TENM2: variants seen among roughly 807,000 people sequenced by gnomAD.
The protein encoded by TENM2 is teneurin transmembrane protein 2.
In TENM2, 52 loss-of-function variants were observed where a neutral mutation model predicts 245.2. The observed-to-expected ratio is 0.21, with a 90% CI of 0.17 to 0.27. The LOEUF is 0.27. TENM2 is among the 10% of genes least tolerant of loss of function. The pLI is 1.00. For missense variants in TENM2, 3,046 were observed against 3,666.8 expected (o/e 0.83, Z 4.37); for synonymous variants, 1,363 against 1,438.9 (o/e 0.95, Z 1.19).
intron 2 of TENM2, among the ~76,000 whole-genome samples, chr5:167,537,465 T>G (rs939492708): frequency 2.0e-5 from 3 of 152,226 alleles, no homozygotes; most frequent in African/African-American, 7.2e-5. Flanking sequence ...TTGTGTAAAC[T>G]CTTATCACTT....
At chr5:167,746,710 A>AGCGAGC (rs1554109884) in intron 2 of TENM2, among the ~76,000 whole-genome samples, 3 of 144,862 alleles carry the variant, frequency 2.1e-5, no homozygotes, top group African/African-American at 2.6e-5. Context: ...AGAGAGAGAG[A>AGCGAGC]GAGAGCTGGA....
chr5:168,161,282 T>C lies in TENM2; in HGVS notation c.2423-1329T>C, dbSNP rs150406988. ...GCACTTTATGTAGTTTAAAAATAGA[T>C]GTAGAAAAAAATGGAAACAGAGATG... On this transcript the variant is annotated intron_variant, in intron 12 of 28. Coordinates refer to ENST00000518659, the Ensembl canonical transcript of TENM2. Among the ~76,000 whole-genome samples the C allele has an allele frequency of 2.0e-3, 301 of 152,086 alleles. 3 individuals are homozygous for C. Among genetic ancestry groups the C allele is most frequent in the Middle Eastern group, 0.017 (5 of 294 alleles).
chr5:167,810,177 A>G (rs1160409272), intron 2 of TENM2, among the ~76,000 whole-genome samples: 1 of 152,180 alleles, frequency 6.6e-6, no homozygotes, highest in Non-Finnish European at 1.5e-5. Context: ...AGATCATCCA[A>G]TCCAAATGCA....
intron 2 of TENM2, among the ~76,000 whole-genome samples, chr5:167,469,926 C>T (rs1766908484): frequency 6.6e-6 from 1 of 152,024 alleles, no homozygotes; most frequent in Non-Finnish European, 1.5e-5. Flanking sequence ...TATAAATTTA[C>T]CATGTTAGTA....
At chr5:167,458,236 C>T (rs1028021252) in intron 2 of TENM2, among the ~76,000 whole-genome samples, 2 of 152,028 alleles carry the variant, frequency 1.3e-5, no homozygotes, top group Non-Finnish European at 2.9e-5. Context: ...CCTGTAATCC[C>T]AGCACTTTGG....
intron 2 of TENM2, among the ~76,000 whole-genome samples, chr5:167,499,892 A>T (rs1223239662): frequency 1.1e-5 from 1 of 93,798 alleles, no homozygotes; most frequent in South Asian, 3.6e-4. Flanking sequence ...GTGTGTGTGT[A>T]TATGTGTATG....
chr5:168,207,844 C>CA (rs1762486630), intron 19 of TENM2, among the ~76,000 whole-genome samples: 1 of 152,176 alleles, frequency 6.6e-6, no homozygotes, highest in African/African-American at 2.4e-5. Context: ...TTTGTCTCTC[C>CA]AAAACATGCA....
intron 2 of TENM2, among the ~76,000 whole-genome samples, chr5:167,593,998 A>T (rs1776040973): frequency 6.6e-6 from 1 of 152,192 alleles, no homozygotes; most frequent in Non-Finnish European, 1.5e-5. Context: ...TCTTTGCTGA[A>T]ATGTGATGTT....
intron 2 of TENM2, among the ~76,000 whole-genome samples, chr5:167,687,649 C>G (rs993147812): frequency 6.6e-6 from 1 of 152,084 alleles, no homozygotes; most frequent in Non-Finnish European, 1.5e-5. Context: ...GATCAAGGTA[C>G]TTTGAGTTTA....
chr5:167,849,655 A>C (rs982993151), intron 2 of TENM2, among the ~76,000 whole-genome samples: 2 of 152,158 alleles, frequency 1.3e-5, no homozygotes, highest in African/African-American at 4.8e-5. Context: ...TTGTGCTTCT[A>C]AATGACCTGG....
At chr5:167,324,984 T>TA (rs1159842214) in intron 1 of TENM2, among the ~76,000 whole-genome samples, 19 of 152,204 alleles carry the variant, frequency 1.2e-4, no homozygotes, top group African/African-American at 4.6e-4. Context: ...AACGTGGCTC[T>TA]AGCAGGCCCT....
chr5:167,308,662 A>T lies in TENM2; in HGVS notation c.226+23599A>T, dbSNP rs542762159. ...GAGGGCCAACATCTTTCCAGCTGTG[A>T]ATTCTGCTTATCACTTGGCTGGATG... On this transcript the variant is annotated intron_variant, in intron 1 of 28. Transcript: ENST00000518659. Among the ~76,000 whole-genome samples the T allele has an allele frequency of 8.5e-5, 13 of 152,252 alleles. No homozygotes were observed. In the South Asian group the frequency reaches 2.7e-3, roughly 32 times the overall value.
chr5:167,876,289 G>A (rs923247960), intron 3 of TENM2, 94 bp downstream of exon 5: 3 of 1,097,072 alleles, frequency 2.7e-6, no homozygotes, highest in Non-Finnish European at 4.0e-6. Context: ...AAGGGCTGGG[G>A]GAAGGTGGTG....
chr5:167,310,337 T>C (rs1453390964), intron 1 of TENM2, among the ~76,000 whole-genome samples: 1 of 152,230 alleles, frequency 6.6e-6, no homozygotes, highest in Admixed American at 6.5e-5. Context: ...CCACTCATGC[T>C]CCTGTGGCTG....
At chr5:168,105,548 A>C (rs1434345749) in intron 9 of TENM2, among the ~76,000 whole-genome samples, 1 of 152,308 alleles carries the variant, frequency 6.6e-6, no homozygotes, top group East Asian at 1.9e-4. Flanking sequence ...TGAAGTTTTC[A>C]AAGTTTTTAA....
At chr5:167,290,050 T>C (rs72829316) in intron 1 of TENM2, among the ~76,000 whole-genome samples, 122 of 152,358 alleles carry the variant, frequency 8.0e-4, no homozygotes, top group Non-Finnish European at 1.5e-3. Context: ...CTTCTTTTCA[T>C]AACTCAACTA....
intron 1 of TENM2, among the ~76,000 whole-genome samples, chr5:167,348,968 A>G (rs546133993): frequency 6.6e-6 from 1 of 152,348 alleles, no homozygotes; most frequent in African/African-American, 2.4e-5. Context: ...TTTCACCTAC[A>G]TACACAGAAA....
intron 2 of TENM2, among the ~76,000 whole-genome samples, chr5:167,835,296 C>T (rs1396958111): frequency 6.6e-6 from 1 of 152,176 alleles, no homozygotes; most frequent in Non-Finnish European, 1.5e-5. Context: ...ATCTTTGCTT[C>T]AGTCTTTCTG....
intron 2 of TENM2, among the ~76,000 whole-genome samples, chr5:167,667,177 T>A (rs2150340542): frequency 6.6e-6 from 1 of 152,316 alleles, no homozygotes; most frequent in East Asian, 1.9e-4. Context: ...TAAAACTGGC[T>A]TAAGAATAAG....
Sources: allele counts gnomAD v4.1 joint callset (sites outside exome capture counted in the v4.1 genomes callset), GRCh38; gene constraint gnomAD v4.1.1; transcripts MANE v1.5; gene names NCBI Gene and HGNC (gene_info 2026-07-23, HGNC 2026-07-21).